Variants in MYO3B observed in about 807,000 individuals in gnomAD.
The protein encoded by MYO3B is myosin IIIB.
In MYO3B, 156 loss-of-function variants were observed where a neutral mutation model predicts 174.6. The ratio of observed to expected loss-of-function variants is 0.89; its 90% confidence interval spans 0.78 to 1.02. The LOEUF is 1.02. Ranked by LOEUF, MYO3B falls within the 50% of genes least tolerant of loss-of-function variation. MYO3B has a pLI of 0.00. For synonymous variants in MYO3B, 563 were observed against 569.1 expected (o/e 0.99, Z 0.15); for missense variants, 1,632 against 1,639.4 (o/e 1.00, Z 0.08).
intron 25 of MYO3B, among the ~76,000 whole-genome samples, chr2:170,466,998 A>G (rs1003959973): frequency 6.6e-6 from 1 of 152,184 alleles, no homozygotes; most frequent in Non-Finnish European, 1.5e-5. Context: ...TTTTGTTGTT[A>G]TGATGAAAGT....
At chr2:170,406,309 AG>A (rs1227497970) in intron 21 of MYO3B, among the ~76,000 whole-genome samples, 1 of 152,184 alleles carries the variant, frequency 6.6e-6, no homozygotes, top group East Asian at 1.9e-4. Flanking sequence ...GAAAATTGGT[AG>A]GAGTTCAATA....
intron 1 of MYO3B, among the ~76,000 whole-genome samples, chr2:170,196,901 T>C (rs564355125): frequency 2.6e-5 from 4 of 152,134 alleles, no homozygotes; most frequent in African/African-American, 4.8e-5. Flanking sequence ...GGTGTAGATA[T>C]ACCTGATTGG....
rs79933926 is a variant in MYO3B, at chr2:170,190,404, G to A, written c.3-8804G>A. On this transcript the variant is annotated intron_variant, in intron 1 of 34. Coordinates refer to ENST00000408978, the MANE Select transcript of MYO3B (RefSeq NM_138995.5). ...TAGGGCTCTGCAGTCAGCAGGTGATGAAGCCAGCTAGGTTTGTGTCCTTCC... is the reference window on the plus strand; with the variant it reads ...TAGGGCTCTGCAGTCAGCAGGTGATAAAGCCAGCTAGGTTTGTGTCCTTCC... 7.3e-3 allele frequency among the ~76,000 whole-genome samples: 1,106 copies of A among 152,286 alleles called. 14 individuals carry two copies. Among genetic ancestry groups the A allele is most frequent in the African/African-American group, 0.025 (1,022 of 41,562 alleles).
rs76959368 is a variant in MYO3B at position 170,528,111 on chromosome 2, G to A, written c.3575+8571G>A. Among the ~76,000 whole-genome samples the A allele has an allele frequency of 9.2e-3, 1,404 of 152,296 alleles. 28 individuals are homozygous for A. Among genetic ancestry groups the A allele is most frequent in the African/African-American group, 0.032 (1,315 of 41,558 alleles). On this transcript the variant is annotated intron_variant, in intron 30 of 34. Transcript: ENST00000408978. ...AAGGAGCTAGCTTTCTCAAAAAGTC[G>A]AAAATCCTAATTAAACAAGTGAAGG...
chr2:170,638,091 C>CCTCTCT lies in MYO3B; in HGVS notation c.3734-13523_3734-13518dup, dbSNP rs574364783. On this transcript the variant is annotated intron_variant, in intron 32 of 34. Transcript: ENST00000408978. The stretch of plus-strand genomic sequence containing the variant: ...TCTATTTCCACTCAATCTCTCTCTC[C>CCTCTCT]CTCTCTCTCTCTCTCTCTCACACAC... Among the ~76,000 whole-genome samples the CCTCTCT allele has an allele frequency of 2.8e-3, 419 of 149,104 alleles. 2 individuals carry two copies. The highest frequency in any genetic ancestry group is 9.4e-3 in the African/African-American group (383 of 40,766).
intron 32 of MYO3B, among the ~76,000 whole-genome samples, chr2:170,628,026 C>G (rs1696614096): frequency 6.6e-6 from 1 of 152,210 alleles, no homozygotes; most frequent in Admixed American, 6.5e-5. Flanking sequence ...TCTGTCTGTT[C>G]TCAGATCTCA....
chr2:170,329,978 G>T (rs7589067), intron 7 of MYO3B, among the ~76,000 whole-genome samples: 91,572 of 152,058 alleles, frequency 0.6, 27,894 homozygotes, highest in East Asian at 0.71. Flanking sequence ...TATGAGTAAG[G>T]AAATAGAATG....
intron 6 of MYO3B, among the ~76,000 whole-genome samples, chr2:170,228,941 C>T (rs2092983218): frequency 7.9e-6 from 1 of 126,582 alleles, no homozygotes; most frequent in Non-Finnish European, 1.6e-5. Flanking sequence ...TTCAGTTCAT[C>T]TAGTCCATAT....
chr2:170,480,796 T>A (rs1001394387), intron 25 of MYO3B, among the ~76,000 whole-genome samples: 4 of 152,230 alleles, frequency 2.6e-5, no homozygotes, highest in Non-Finnish European at 5.9e-5. Context: ...CATTTGGTCA[T>A]AGAAGTCTTA....
At chr2:170,477,974 T>C (rs1327451905) in intron 25 of MYO3B, among the ~76,000 whole-genome samples, 2 of 152,298 alleles carry the variant, frequency 1.3e-5, no homozygotes, top group East Asian at 3.9e-4. Flanking sequence ...GGTTGGCTTA[T>C]AGTGTCACAG....
At chr2:170,601,832 A>G (rs1244212843) in intron 32 of MYO3B, 1 of 987,182 alleles carries the variant, frequency 1.0e-6, no homozygotes, top group Non-Finnish European at 1.6e-6. Context: ...GTGTTATTCC[A>G]CATCTCTACC....
intron 7 of MYO3B, among the ~76,000 whole-genome samples, chr2:170,262,179 A>G (rs1274446953): frequency 1.3e-5 from 2 of 152,228 alleles, no homozygotes; most frequent in Non-Finnish European, 2.9e-5. Flanking sequence ...TGAACCTACA[A>G]GGGGCAGAAT....
At chr2:170,440,247 T>G (rs921397594) in intron 22 of MYO3B, among the ~76,000 whole-genome samples, 3 of 152,154 alleles carry the variant, frequency 2.0e-5, no homozygotes, top group Non-Finnish European at 4.4e-5. Context: ...TTTTTCTCAC[T>G]GTTGTTTTGG....
chr2:170,476,586 C>G (rs543217392), intron 25 of MYO3B, among the ~76,000 whole-genome samples: 1 of 152,170 alleles, frequency 6.6e-6, no homozygotes, highest in South Asian at 2.1e-4. Flanking sequence ...AGCAGAACTC[C>G]TCTCAGCCTT....
intron 7 of MYO3B, among the ~76,000 whole-genome samples, chr2:170,331,010 T>A (rs931236310): frequency 1.3e-5 from 2 of 152,196 alleles, no homozygotes; most frequent in African/African-American, 4.8e-5. Flanking sequence ...TGCTGGGCAC[T>A]ATAGATACAC....
At chr2:170,462,000 G>A (rs1684321675) in intron 23 of MYO3B, among the ~76,000 whole-genome samples, 1 of 152,202 alleles carries the variant, frequency 6.6e-6, no homozygotes, top group African/African-American at 2.4e-5. Flanking sequence ...ACTCAAATGG[G>A]GGTGAGAAAG....
intron 7 of MYO3B, among the ~76,000 whole-genome samples, chr2:170,318,126 T>G: frequency 6.6e-6 from 1 of 152,212 alleles, no homozygotes; most frequent in Admixed American, 6.5e-5. Context: ...GAAATACATT[T>G]GTGACAGTGC....
At chr2:170,263,689 C>T (rs2093361721) in intron 7 of MYO3B, among the ~76,000 whole-genome samples, 1 of 152,174 alleles carries the variant, frequency 6.6e-6, no homozygotes, top group African/African-American at 2.4e-5. Context: ...TTTCTCCTAT[C>T]TCAGTAAATA....
At chr2:170,498,081 T>C (rs1217726497) in intron 25 of MYO3B, among the ~76,000 whole-genome samples, 1 of 152,146 alleles carries the variant, frequency 6.6e-6, no homozygotes, top group Non-Finnish European at 1.5e-5. Context: ...TTCGTGATTA[T>C]ATCAAGAAAA....
Sources: allele counts gnomAD v4.1 joint callset (sites outside exome capture counted in the v4.1 genomes callset), GRCh38; gene constraint gnomAD v4.1.1; transcripts MANE v1.5; gene names NCBI Gene and HGNC (gene_info 2026-07-23, HGNC 2026-07-21).